The following FXR1 variants were observed in gnomAD, a reference collection of about 807,000 sequenced individuals.
FXR1 encodes the protein RNA-binding protein FXR1.
In FXR1, 15 loss-of-function variants were observed where a neutral mutation model predicts 84.0. That is an observed-to-expected ratio of 0.18 (90% CI 0.12 to 0.27). The LOEUF (loss-of-function observed/expected upper bound fraction) is 0.27. Ranked by LOEUF, FXR1 falls within the 10% of genes least tolerant of loss-of-function variation. The pLI is 1.00. For missense variants in FXR1, 480 were observed against 774.4 expected, an observed-to-expected ratio of 0.62 and a Z score of 4.51; for synonymous variants, 245 against 250.7, an observed-to-expected ratio of 0.98 and a Z score of 0.21.
At chr3:180,952,791 G>A (rs528771767) in intron 8 of FXR1, among the ~76,000 whole-genome samples, 22 of 150,058 alleles carry the variant, frequency 1.5e-4, no homozygotes, top group African/African-American at 4.7e-4. Flanking sequence ...ACAATAATTT[G>A]AGCTATGGTT....
intron 3 of FXR1, among the ~76,000 whole-genome samples, chr3:180,939,341 A>G (rs1720877141): frequency 1.3e-5 from 2 of 152,098 alleles, no homozygotes; most frequent in African/African-American, 4.8e-5. Flanking sequence ...TGGTCAATAA[A>G]CACTTTTTCT....
intron 10 of FXR1, among the ~76,000 whole-genome samples, chr3:180,959,537 A>T (rs1057121077): frequency 3.3e-5 from 5 of 152,114 alleles, no homozygotes; most frequent in Non-Finnish European, 5.9e-5. Flanking sequence ...TGGTAATACT[A>T]TTTCTTAGTC....
At chr3:180,927,929 C>G (rs1719422554) in intron 1 of FXR1, 1 of 317,832 alleles carries the variant, frequency 3.1e-6, no homozygotes, top group South Asian at 1.6e-4. Context: ...CACCCTCTGC[C>G]CCCTTTTCTC....
At chr3:180,925,020 A>G (rs1290714220) in intron 1 of FXR1, among the ~76,000 whole-genome samples, 3 of 152,194 alleles carry the variant, frequency 2.0e-5, no homozygotes. Flanking sequence ...TCTTCTCAAA[A>G]TATCTTCCTC....
chr3:180,956,389 A>G (rs1299239950), intron 9 of FXR1, among the ~76,000 whole-genome samples: 1 of 152,182 alleles, frequency 6.6e-6, no homozygotes, highest in Non-Finnish European at 1.5e-5. Context: ...CATTTAAAAT[A>G]TTGACGGTCT....
chr3:180,950,092 G>A (rs1722073804), intron 7 of FXR1, among the ~76,000 whole-genome samples: 1 of 152,090 alleles, frequency 6.6e-6, no homozygotes, highest in African/African-American at 2.4e-5. Flanking sequence ...TTATATCTCT[G>A]TCTTATCCTA....
intron 1 of FXR1, among the ~76,000 whole-genome samples, chr3:180,926,751 T>C (rs982516067): frequency 2.6e-5 from 4 of 151,958 alleles, no homozygotes; most frequent in Admixed American, 2.6e-4. Context: ...TTATAAAGTT[T>C]GTTTACTCCT....
At chr3:180,918,806 A>C (rs145980275) in intron 1 of FXR1, among the ~76,000 whole-genome samples, 1 of 152,316 alleles carries the variant, frequency 6.6e-6, no homozygotes, top group East Asian at 1.9e-4. Context: ...GAGTACCCAG[A>C]CTACTTACCA....
chr3:180,925,359 CAAA>C (rs374315439), intron 1 of FXR1, among the ~76,000 whole-genome samples: 2 of 128,592 alleles, frequency 1.6e-5, no homozygotes, highest in South Asian at 2.4e-4. Flanking sequence ...GACTCCATCT[CAAA>C]AAAAAAAAAA....
intron 13 of FXR1, among the ~76,000 whole-genome samples, chr3:180,963,789 CTT>C (rs1204760131): frequency 2.0e-5 from 3 of 152,156 alleles, no homozygotes; most frequent in Admixed American, 6.5e-5. Flanking sequence ...TAAATTCTCC[CTT>C]ATTCTTCTTC....
intron 13 of FXR1, among the ~76,000 whole-genome samples, chr3:180,967,769 G>A (rs1302903448): frequency 6.6e-6 from 1 of 152,060 alleles, no homozygotes; most frequent in Non-Finnish European, 1.5e-5. Flanking sequence ...GCAGACTGCA[G>A]TGAGGGATTC....
At chr3:180,957,611 C>T in intron 9 of FXR1, 1 of 457,248 alleles carries the variant, frequency 2.2e-6, no homozygotes, top group Non-Finnish European at 4.0e-6. Context: ...CAGTTAGTAA[C>T]CTTAGGCGTG....
intron 1 of FXR1, among the ~76,000 whole-genome samples, chr3:180,916,563 A>G (rs1392782728): frequency 6.6e-6 from 1 of 152,116 alleles, no homozygotes; most frequent in Non-Finnish European, 1.5e-5. Context: ...ATGTGCTAAC[A>G]TGGCCGGCTA....
intron 1 of FXR1, among the ~76,000 whole-genome samples, chr3:180,918,287 G>C (rs1250549932): frequency 6.6e-6 from 1 of 151,952 alleles, no homozygotes; most frequent in Non-Finnish European, 1.5e-5. Context: ...ACTCTGTGAG[G>C]TTGGTTTTAT....
chr3:180,945,695 C>T (rs1176541810), intron 3 of FXR1, among the ~76,000 whole-genome samples: 1 of 152,186 alleles, frequency 6.6e-6, no homozygotes, highest in African/African-American at 2.4e-5. Context: ...TAGGTGTAAG[C>T]CACCGTGCCT....
chr3:180,948,301 T>G, intron 4 of FXR1, 46 bp from the exon 5 acceptor site: 1 of 1,405,452 alleles, frequency 7.1e-7, no homozygotes, highest in Non-Finnish European at 9.9e-7. Context: ...TAAACTTCAT[T>G]ATTTTTGTTC....
intron 1 of FXR1, among the ~76,000 whole-genome samples, chr3:180,924,704 T>TTGG (rs1718967366): frequency 6.6e-6 from 1 of 151,764 alleles, no homozygotes; most frequent in Non-Finnish European, 1.5e-5. Flanking sequence ...GTTGGCCAGG[T>TTGG]TGGTCTCAAA....
intron 1 of FXR1, chr3:180,915,042 ATC>A (rs947075013): frequency 1.6e-5 from 7 of 443,920 alleles, no homozygotes; most frequent in African/African-American, 4.3e-5. Flanking sequence ...CCCTGAACAA[ATC>A]TCTCTGTCTA....
intron 3 of FXR1, among the ~76,000 whole-genome samples, chr3:180,947,415 TC>T (rs1721813423): frequency 1.3e-5 from 2 of 152,330 alleles, no homozygotes; most frequent in East Asian, 3.9e-4. Flanking sequence ...ATTTTTTTGT[TC>T]AGTTAAACAA....
Sources: allele counts gnomAD v4.1 joint callset (sites outside exome capture counted in the v4.1 genomes callset), GRCh38; gene constraint gnomAD v4.1.1; transcripts MANE v1.5; gene names NCBI Gene and HGNC (gene_info 2026-07-23, HGNC 2026-07-21).